RANBP2: variants seen among roughly 807,000 people sequenced by gnomAD.
RANBP2 encodes the protein RAN binding protein 2, also known as E3 SUMO-protein ligase RanBP2.
Under a neutral mutation model 303.6 loss-of-function variants are expected in RANBP2, and 57 were observed. That is an observed-to-expected ratio of 0.19 (90% confidence interval 0.15 to 0.23). The LOEUF (loss-of-function observed/expected upper bound fraction) is 0.23, where lower values mean the gene tolerates loss of function less well. Ranked by LOEUF, RANBP2 falls within the 10% of genes least tolerant of loss-of-function variation. The probability of loss-of-function intolerance (pLI) is 1.00; values close to 1 mark genes in which losing one functional copy is unlikely to be tolerated. For missense variants in RANBP2, 3,138 were observed against 3,780.8 expected (o/e 0.83, Z 4.46); for synonymous variants, 1,167 against 1,301.5 (o/e 0.90, Z 2.23).
At chr2:108,794,687 A>G in the RANBP2 span, 19 of 1,613,470 alleles carry the variant, frequency 1.2e-5, no homozygotes, top group Admixed American at 6.7e-5. Flanking sequence ...AGTCAGATAT[A>G]TGACGAATTA....
the RANBP2 span, among the ~76,000 whole-genome samples, chr2:109,504,992 G>A: frequency 6.6e-5 from 10 of 152,174 alleles, no homozygotes; most frequent in Non-Finnish European, 1.2e-4. Flanking sequence ...TAGATGACTC[G>A]CCTCCTTTTC....
the RANBP2 span, among the ~76,000 whole-genome samples, chr2:109,022,878 C>T: frequency 6.6e-6 from 1 of 152,018 alleles, no homozygotes. Context: ...TGGTGAAACT[C>T]AGTCTCTACT....
the RANBP2 span, among the ~76,000 whole-genome samples, chr2:109,152,887 T>C: frequency 6.6e-6 from 1 of 152,270 alleles, no homozygotes; most frequent in East Asian, 1.9e-4. Flanking sequence ...TACTTGCTCC[T>C]TGTTCTCGAT....
At chr2:109,289,578 C>G in the RANBP2 span, among the ~76,000 whole-genome samples, 1 of 152,152 alleles carries the variant, frequency 6.6e-6, no homozygotes, top group African/African-American at 2.4e-5. Flanking sequence ...ACTGGGATAT[C>G]TTACTTTTCA....
chr2:108,830,625 G>T, the RANBP2 span, among the ~76,000 whole-genome samples: 2 of 151,618 alleles, frequency 1.3e-5, no homozygotes, highest in Non-Finnish European at 2.9e-5. Context: ...TGGCCAATGT[G>T]GTGAAACTCT....
chr2:109,011,376 A>T, the RANBP2 span, among the ~76,000 whole-genome samples: 1 of 152,138 alleles, frequency 6.6e-6, no homozygotes, highest in African/African-American at 2.4e-5. Context: ...GTTCTTTAAG[A>T]TTTCTAGCCT....
At chr2:109,414,898 T>C in the RANBP2 span, among the ~76,000 whole-genome samples, 1 of 152,214 alleles carries the variant, frequency 6.6e-6, no homozygotes, top group South Asian at 2.1e-4. Flanking sequence ...GTCCAAGTGC[T>C]GATCCCAGAA....
At chr2:108,983,681 GA>G in the RANBP2 span, among the ~76,000 whole-genome samples, 1 of 152,212 alleles carries the variant, frequency 6.6e-6, no homozygotes, top group East Asian at 1.9e-4. Context: ...CAGATACGAG[GA>G]AGGAAATCAA....
the RANBP2 span, among the ~76,000 whole-genome samples, chr2:109,297,568 C>G: frequency 6.7e-6 from 1 of 149,466 alleles, no homozygotes; most frequent in Non-Finnish European, 1.5e-5. Flanking sequence ...TGCCTCCCAC[C>G]TAGGCCAGTG....
At chr2:109,671,934 T>C in the RANBP2 span, among the ~76,000 whole-genome samples, 6 of 152,194 alleles carry the variant, frequency 3.9e-5, no homozygotes, top group Non-Finnish European at 7.3e-5. Context: ...TTTTTCTTTT[T>C]CTCATCACCA....
chr2:109,549,732 G>GT, the RANBP2 span, among the ~76,000 whole-genome samples: 11 of 152,238 alleles, frequency 7.2e-5, no homozygotes, highest in African/African-American at 2.6e-4. Flanking sequence ...CATACCCTAT[G>GT]TTTTTTCCTA....
the RANBP2 span, chr2:109,129,103 G>C: frequency 2.7e-6 from 1 of 364,818 alleles, no homozygotes; most frequent in African/African-American, 2.2e-5. Flanking sequence ...CCAGCTGCGC[G>C]GAGGAGCGTG....
the RANBP2 span, chr2:109,545,238 G>A: frequency 7.4e-7 from 1 of 1,353,360 alleles, no homozygotes; most frequent in Non-Finnish European, 9.5e-7. Context: ...AAGGCATGAT[G>A]AATTTCCTCA....
the RANBP2 span, among the ~76,000 whole-genome samples, chr2:109,548,015 C>T: frequency 6.6e-6 from 1 of 152,090 alleles, no homozygotes; most frequent in East Asian, 1.9e-4. Context: ...TTTATACCCC[C>T]AGCACAGCAC....
At chr2:108,958,072 G>T in the RANBP2 span, among the ~76,000 whole-genome samples, 1 of 151,928 alleles carries the variant, frequency 6.6e-6, no homozygotes, top group Non-Finnish European at 1.5e-5. Flanking sequence ...TACCATGCCC[G>T]TGAGCCTCAC....
At chr2:109,593,031 T>G in the RANBP2 span, 3 of 1,516,950 alleles carry the variant, frequency 2.0e-6, no homozygotes, top group South Asian at 4.0e-5. Context: ...ATATGGTATC[T>G]ATTTAAAAGA....
the RANBP2 span, among the ~76,000 whole-genome samples, chr2:109,296,234 T>TATTATTATTATTATTATTATTATTATC: frequency 4.0e-5 from 6 of 151,878 alleles, no homozygotes; most frequent in Admixed American, 1.3e-4. Context: ...GTATTATTAT[T>TATTATTATTATTATTATTATTATTATC]ATTATTATTC....
At chr2:109,153,230 C>T in the RANBP2 span, among the ~76,000 whole-genome samples, 2 of 152,188 alleles carry the variant, frequency 1.3e-5, no homozygotes, top group Middle Eastern at 3.2e-3. Flanking sequence ...TGAGTACATT[C>T]ATTTCTAATA....
chr2:108,989,774 C>A, the RANBP2 span, among the ~76,000 whole-genome samples: 11 of 151,838 alleles, frequency 7.2e-5, no homozygotes, highest in Non-Finnish European at 1.5e-4. Context: ...AAAGGACATA[C>A]CTTTCAGTAT....
Sources: allele counts gnomAD v4.1 joint callset (sites outside exome capture counted in the v4.1 genomes callset), GRCh38; gene constraint gnomAD v4.1.1; transcripts MANE v1.5; gene names NCBI Gene and HGNC (gene_info 2026-07-23, HGNC 2026-07-21).